The following FASTKD2 variants were observed in gnomAD, a reference collection of about 807,000 sequenced individuals.
FASTKD2 encodes FAST kinase domain-containing protein 2, mitochondrial.
Under a neutral mutation model 63.6 loss-of-function variants are expected in FASTKD2, and 51 were observed. The observed-to-expected ratio is 0.80, with a 90% confidence interval of 0.64 to 1.01. FASTKD2 has a LOEUF of 1.01. Ranked by LOEUF, FASTKD2 falls within the 50% of genes least tolerant of loss-of-function variation. The pLI, the probability that FASTKD2 is intolerant of heterozygous loss-of-function variation, is 0.00. For synonymous variants in FASTKD2, 284 were observed against 293.4 expected, an observed-to-expected ratio of 0.97 and a Z score of 0.33; for missense variants, 786 against 831.1, an observed-to-expected ratio of 0.95 and a Z score of 0.67.
intron 3 of FASTKD2, among the ~76,000 whole-genome samples, chr2:206,770,525 C>T (rs191209823): frequency 6.6e-6 from 1 of 152,102 alleles, no homozygotes; most frequent in Non-Finnish European, 1.5e-5. Context: ...AGGCGGATCA[C>T]GAGGTCGGGA....
intron 2 of FASTKD2, 102 bp downstream of exon 2, chr2:206,767,572 A>G (rs1455262524): frequency 1.1e-6 from 1 of 893,762 alleles, no homozygotes; most frequent in Non-Finnish European, 1.8e-6. Flanking sequence ...AGACTATCAA[A>G]TGGAATGGTA....
At chr2:206,772,558 A>G (rs1689713134) in intron 6 of FASTKD2, among the ~76,000 whole-genome samples, 1 of 152,234 alleles carries the variant, frequency 6.6e-6, no homozygotes, top group Non-Finnish European at 1.5e-5. Flanking sequence ...TTGATGTTGC[A>G]AAAGCAATAC....
chr2:206,773,212 G>T (rs914753755), intron 6 of FASTKD2, among the ~76,000 whole-genome samples: 2 of 151,752 alleles, frequency 1.3e-5, no homozygotes, highest in South Asian at 4.2e-4. Context: ...CTACTAGGGG[G>T]GCTGAGGCAG....
intron 10 of FASTKD2, 22 bp downstream of exon 10, chr2:206,788,925 TGCTGG>T (rs779124208): frequency 1.6e-6 from 2 of 1,214,756 alleles, no homozygotes; most frequent in Admixed American, 3.4e-5. Flanking sequence ...ATATTTCATT[TGCTGG>T]GCTTTCTGAA....
chr2:206,770,888 A>AGT (rs1689660989), intron 3 of FASTKD2, among the ~76,000 whole-genome samples: 1 of 152,236 alleles, frequency 6.6e-6, no homozygotes, highest in Non-Finnish European at 1.5e-5. Flanking sequence ...GTCATAGATT[A>AGT]GTGAGAGTAA....
intron 1 of FASTKD2, 53 bp from the exon 2 acceptor site, chr2:206,766,591 A>T: frequency 1.0e-6 from 1 of 993,698 alleles, no homozygotes; most frequent in Non-Finnish European, 1.6e-6. Context: ...TCATTTCTTT[A>T]AGTAAAAGTT....
intron 5 of FASTKD2, 23 bp from the exon 6 acceptor site, chr2:206,772,158 G>T: frequency 6.2e-7 from 1 of 1,608,348 alleles, no homozygotes; most frequent in Non-Finnish European, 8.5e-7. Context: ...ATTTTTGTTT[G>T]TTTATTTAAC....
At position 206,790,564 on chromosome 2, in the gene FASTKD2, G is replaced by A; in HGVS notation, c.1899-8G>A. 6.6e-7 allele frequency: 1 copy of A among 1,508,422 alleles called. No individual in the cohort carries two copies. The highest frequency in any genetic ancestry group is 9.2e-7 in the Non-Finnish European group (1 of 1,084,262). 93.4% of individuals were successfully genotyped at this position (1,508,422 alleles called of 1,614,324 possible). A position where few individuals can be genotyped will look rare whatever the true frequency, so the allele number is the denominator to read the frequency against. ...AACTGTTCTTGTTTTGTTTATTTTT[G>A]TTTTCAGAGTAGCTGTGCTATGTGT... On this transcript the variant is annotated splice_polypyrimidine_tract_variant and splice_region_variant and intron_variant, in intron 10 of 11. Coordinates refer to ENST00000402774, the MANE Select transcript of FASTKD2 (RefSeq NM_001136193.2).
Position 206,793,586 on chromosome 2 carries a change from T to C in FASTKD2, c.*1784T>C, listed in dbSNP as rs1260981704. On this transcript the variant is annotated 3_prime_UTR_variant, in exon 12 of 12. Transcript: ENST00000402774. ...GAACAAGATGCAGATATTCTGTTAT[T>C]AAAGGAACTAAGGTTTTGTCTTTAA... is the stretch of plus-strand genomic sequence containing the variant. Among the ~76,000 whole-genome samples the C allele has an allele frequency of 2.0e-5, 3 of 152,206 alleles. No individual in the cohort carries two copies. The highest frequency in any genetic ancestry group is 4.4e-5 in the Non-Finnish European group (3 of 68,024).
At chr2:206,787,504 T>C (rs892223036) in intron 8 of FASTKD2, among the ~76,000 whole-genome samples, 1 of 152,172 alleles carries the variant, frequency 6.6e-6, no homozygotes, top group African/African-American at 2.4e-5. Flanking sequence ...AAATAAATGT[T>C]ATAAAATCCC....
intron 11 of FASTKD2, 120 bp downstream of exon 11, chr2:206,790,806 T>A: frequency 1.3e-6 from 1 of 743,216 alleles, no homozygotes; most frequent in East Asian, 2.5e-5. Flanking sequence ...ATTATTGGAA[T>A]GAGTGCTTTA....
chr2:206,772,239 C>T lies in FASTKD2; in HGVS notation c.1173C>T (p.Asp391=). 6.2e-7 allele frequency: 1 copy of T among 1,612,806 alleles called. No homozygotes were observed. Among genetic ancestry groups the T allele is most frequent in the Non-Finnish European group, 8.5e-7 (1 of 1,178,808 alleles). ...TCAACATATTGCAGTCCTGCAAAGA[C>T]CTCCAGTACCATAATTTGGATCTCT... ...IMINILQSCK[D]LQYHNLDLFK... The change falls in exon 6 of 12, where the codon GAC becomes GAT. Residue 391 remains aspartate, a synonymous_variant. Transcript: ENST00000402774.
In FASTKD2 at chr2:206,788,109, A is replaced by G. The variant is rs1411000368; in HGVS notation, c.1767A>G (p.Glu589=). The change falls in exon 9 of 12, where the codon GAA becomes GAG. Residue 589 remains glutamate, a synonymous_variant. Transcript: ENST00000402774. The part of the protein sequence containing the change: ...AEVLSSLLGG[E]GHFSKDVHLP... ...TGCTGAGCAGCCTTCTGGGAGGTGA[A>G]GGACACTTCTCAAAGGATGTGCACT... 4 of 1,612,674 alleles carry G rather than the reference A, an allele frequency of 2.5e-6. No individual in the cohort carries two copies. The highest frequency in any genetic ancestry group is 3.4e-6 in the Non-Finnish European group (4 of 1,179,160).
intron 2 of FASTKD2, among the ~76,000 whole-genome samples, chr2:206,768,709 A>T (rs1689590649): frequency 6.6e-6 from 1 of 152,312 alleles, no homozygotes; most frequent in South Asian, 2.1e-4. Context: ...GAAAATAATA[A>T]TAATAATTTT....
intron 7 of FASTKD2, among the ~76,000 whole-genome samples, chr2:206,783,490 AT>A (rs1690048865): frequency 6.6e-6 from 1 of 151,906 alleles, no homozygotes. Context: ...CCCTGGCTTC[AT>A]TTTCTTCTGA....
intron 7 of FASTKD2, among the ~76,000 whole-genome samples, chr2:206,784,653 G>A (rs577437828): frequency 7.9e-5 from 12 of 152,274 alleles, no homozygotes; most frequent in African/African-American, 2.9e-4. Flanking sequence ...CCAGACCTGA[G>A]TCTCTGTGGG....
In FASTKD2 at chr2:206,786,798, T is replaced by A. The variant is rs1023185057; in HGVS notation, c.1493T>A (p.Leu498Ter). ...GYLHTISSEN[L>*]LDAVYSFCLM... ...CTTCACACTATTTCTTCTGAAAACT[T>A]ATTGGATGCAGTATATTCATTTTGC... The change falls in exon 8 of 12, where the codon TTA (leucine) becomes TAA (stop). Residue 498 changes from leucine (L) to a stop codon, truncating the protein, a stop_gained. Transcript: ENST00000402774. LOFTEE classifies it high-confidence loss of function. 1 of 1,613,452 alleles carries A rather than the reference T, an allele frequency of 6.2e-7. No individual in the cohort carries two copies.
Position 206,767,147 on chromosome 2 carries a change from AACC to A in FASTKD2, c.455_457del (p.Asn152_Arg153delinsSer). On this transcript the variant is annotated inframe_deletion, in exon 2 of 12. Coordinates refer to ENST00000402774, the MANE Select transcript of FASTKD2 (RefSeq NM_001136193.2). Reference sequence around the variant, plus strand: ...TGTTCTTACCAAGGAAACAAAACCAAACCGTATCAGCAGTAGAAAACTGTCTGA... The same window carrying A: ...TGTTCTTACCAAGGAAACAAAACCAAGTATCAGCAGTAGAAAACTGTCTGA... 1 of 1,614,190 alleles carries A rather than the reference AACC, an allele frequency of 6.2e-7. No individual in the cohort carries two copies.
rs1049689495 is a variant in FASTKD2 at position 206,792,917 on chromosome 2, A to G, written c.*1115A>G. On this transcript the variant is annotated 3_prime_UTR_variant, in exon 12 of 12. Transcript: ENST00000402774. ...CTGGAGTTTGAATGTGAGCTAACAT[A>G]GGCTTATAAGAAAATACAAAAACTG... Among the ~76,000 whole-genome samples the G allele has an allele frequency of 2.1e-4, 32 of 152,282 alleles. No individual in the cohort carries two copies. The highest frequency in any genetic ancestry group is 7.2e-4 in the African/African-American group (30 of 41,566).
Sources: allele counts gnomAD v4.1 joint callset (sites outside exome capture counted in the v4.1 genomes callset), GRCh38; gene constraint gnomAD v4.1.1; transcripts MANE v1.5; gene names NCBI Gene and HGNC (gene_info 2026-07-23, HGNC 2026-07-21).